Variants in HARS2 observed in about 807,000 individuals in gnomAD.
The protein encoded by HARS2 is histidyl-tRNA synthetase 2, mitochondrial.
HARS2 carries 40 observed loss-of-function variants against 62.4 expected under a neutral mutation model. The ratio of observed to expected loss-of-function variants is 0.64; its 90% CI spans 0.50 to 0.83. The LOEUF (loss-of-function observed/expected upper bound fraction) is 0.83. Among genes scored for constraint, HARS2 ranks in the 40% least tolerant of loss-of-function variants. HARS2 has a pLI of 0.00. For missense variants in HARS2, 569 were observed against 626.4 expected (o/e 0.91, Z 0.98); for synonymous variants, 228 against 227.0 (o/e 1.00, Z -0.04).
chr5:140,696,077 T>G (rs907706918), intron 6 of HARS2, 26 bp from the exon 7 acceptor site: 1 of 1,541,482 alleles, frequency 6.5e-7, no homozygotes, highest in Non-Finnish European at 9.0e-7. Flanking sequence ...TGACAAGCAC[T>G]TGGGTCACTG....
intron 8 of HARS2, 51 bp downstream of exon 8, chr5:140,696,665 T>C (rs757535875): frequency 4.0e-6 from 5 of 1,237,848 alleles, no homozygotes; most frequent in Non-Finnish European, 3.6e-6. Flanking sequence ...GAAGGTGACA[T>C]GTGCTCAAAT....
chr5:140,693,877 G>A, intron 2 of HARS2, 58 bp from the exon 3 acceptor site: 1 of 1,603,860 alleles, frequency 6.2e-7, no homozygotes. Flanking sequence ...TTAACTCCTT[G>A]TCTGAAATGG....
intron 1 of HARS2, 94 bp downstream of exon 1, chr5:140,691,850 C>A: frequency 1.1e-6 from 1 of 881,248 alleles, no homozygotes; most frequent in South Asian, 1.4e-5. Flanking sequence ...GTGTTACAAT[C>A]GGTTTTTATC....
chr5:140,696,377 C>A, intron 7 of HARS2, 144 bp from the exon 8 acceptor site: 1 of 812,346 alleles, frequency 1.2e-6, no homozygotes, highest in Non-Finnish European at 2.1e-6. Context: ...GGGATTGTGA[C>A]TGGATTTCTT....
chr5:140,695,258 G>C (rs775081871), intron 4 of HARS2, among the ~76,000 whole-genome samples: 1 of 152,092 alleles, frequency 6.6e-6, no homozygotes, highest in Non-Finnish European at 1.5e-5. Flanking sequence ...TTAGTTCTTG[G>C]GTCACTTCTA....
In HARS2 at chr5:140,697,586, G is replaced by A. The variant is rs918483134; in HGVS notation, c.1215G>A (p.Val405=). 2 of 1,613,286 alleles carry A rather than the reference G, an allele frequency of 1.2e-6. No homozygotes were observed. Among genetic ancestry groups the A allele is most frequent in the African/African-American group, 1.3e-5 (1 of 74,900 alleles). ...CTTATTAGACCAAAGGTGAGAAGGT[G>A]CGGACTACAGAGACTCAAGTGTTTG... The part of the protein sequence containing the change: ...EQRMKTKGEK[V]RTTETQVFVA... The change falls in exon 11 of 13, where the codon GTG becomes GTA. Residue 405 remains valine (V), a synonymous_variant. Coordinates refer to ENST00000230771, the MANE Select transcript of HARS2 (RefSeq NM_012208.4).
At chr5:140,697,504 T>C in intron 10 of HARS2, 65 bp from the exon 11 acceptor site, 2 of 1,604,722 alleles carry the variant, frequency 1.2e-6, no homozygotes, top group Admixed American at 3.3e-5. Context: ...TCTTTTTGTC[T>C]TGATTTTTGG....
intron 4 of HARS2, among the ~76,000 whole-genome samples, chr5:140,694,781 C>T (rs1277112156): frequency 1.3e-5 from 2 of 152,068 alleles, no homozygotes; most frequent in African/African-American, 4.8e-5. Context: ...CCACAGATCT[C>T]TTTTGACGTA....
chr5:140,696,387 T>A, intron 7 of HARS2, 134 bp from the exon 8 acceptor site: 6 of 825,326 alleles, frequency 7.3e-6, no homozygotes, highest in South Asian at 7.0e-5. Context: ...CTGGATTTCT[T>A]AAGCTGTCTC....
intron 4 of HARS2, 98 bp from the exon 5 acceptor site, chr5:140,695,410 C>T: frequency 2.5e-6 from 3 of 1,202,322 alleles, no homozygotes; most frequent in Non-Finnish European, 3.6e-6. Flanking sequence ...TTGTTCTTAC[C>T]CTAGTGGATG....
Position 140,698,044 on chromosome 5 carries a change from T to A in HARS2, c.1427T>A (p.Val476Asp). Residue 476 changes from valine (V) to aspartate (D), a missense_variant, in exon 12 of 13, where the codon GTC becomes GAC. Transcript: ENST00000230771. Reference protein sequence around the residue: ...IIGEQELKEGVIKIRSVASRE... With the variant: ...IIGEQELKEGDIKIRSVASRE... ...GGTGAGCAAGAACTGAAAGAAGGGG[T>A]CATCAAGATCCGTTCAGTGGCCAGC... 1 of 1,614,114 alleles carries A rather than the reference T, an allele frequency of 6.2e-7. No homozygotes were observed. Among genetic ancestry groups the A allele is most frequent in the Non-Finnish European group, 8.5e-7 (1 of 1,180,006 alleles).
intron 1 of HARS2, 99 bp from the exon 2 acceptor site, chr5:140,693,492 G>C (rs772108068): frequency 1.2e-6 from 2 of 1,604,442 alleles, no homozygotes; most frequent in African/African-American, 2.7e-5. Context: ...GTTGCTCAGG[G>C]TGAAGAGTCT....
At chr5:140,695,171 T>G (rs146174100) in intron 4 of HARS2, among the ~76,000 whole-genome samples, 249 of 152,288 alleles carry the variant, frequency 1.6e-3, no homozygotes, top group African/African-American at 5.5e-3. Context: ...TAGAAGTTGT[T>G]AGGCAAATCC....
chr5:140,695,258 G>A (rs775081871), intron 4 of HARS2, among the ~76,000 whole-genome samples: 1 of 152,092 alleles, frequency 6.6e-6, no homozygotes, highest in African/African-American at 2.4e-5. Flanking sequence ...TTAGTTCTTG[G>A]GTCACTTCTA....
In HARS2 at chr5:140,691,648, G is replaced by A. The variant is rs1366769588; in HGVS notation, c.-1G>A. 1 of 1,546,518 alleles carries A rather than the reference G, an allele frequency of 6.5e-7. No individual in the cohort carries two copies. The highest frequency in any genetic ancestry group is 2.4e-5 in the East Asian group (1 of 40,882). ...CCGGAAAGCCGGCGTCCTGCCGCGCGATGCCCCTGCTCGGACTTCTTCCCA... is the reference window on the plus strand; with the variant it reads ...CCGGAAAGCCGGCGTCCTGCCGCGCAATGCCCCTGCTCGGACTTCTTCCCA... On this transcript the variant is annotated 5_prime_UTR_variant, in exon 1 of 13. Coordinates refer to ENST00000230771, the MANE Select transcript of HARS2 (RefSeq NM_012208.4).
At position 140,695,614 on chromosome 5, in the gene HARS2, A is replaced by G. The variant is rs754308731; in HGVS notation, c.506A>G (p.Tyr169Cys). ...AGCCCAACCATAGTCCAAGGCCGTT[A>G]TAGGGAGTTCTGCCAGTGTGTAAGT... is the stretch of plus-strand genomic sequence containing the variant. ...RESPTIVQGR[Y>C]REFCQCDFDI... Residue 169 changes from tyrosine to cysteine, a missense_variant, in exon 5 of 13, where the codon TAT becomes TGT. Tyr to Cys is a radical substitution (Grantham distance 194, BLOSUM62 -2). Coordinates refer to ENST00000230771, the MANE Select transcript of HARS2 (RefSeq NM_012208.4). 1.1e-5 allele frequency: 17 copies of G among 1,614,122 alleles called. No homozygotes were observed. Among genetic ancestry groups the G allele is most frequent in the Non-Finnish European group, 1.7e-6 (2 of 1,180,046 alleles).
chr5:140,695,876 G>A (rs758477129), intron 6 of HARS2, 31 bp downstream of exon 6: 1 of 1,511,102 alleles, frequency 6.6e-7, no homozygotes, highest in East Asian at 2.3e-5. Flanking sequence ...TGTGGGAGAA[G>A]TCTGGATTTG....
chr5:140,695,452 A>G, intron 4 of HARS2, 56 bp from the exon 5 acceptor site: 5 of 1,604,440 alleles, frequency 3.1e-6, no homozygotes, highest in Non-Finnish European at 3.4e-6. Flanking sequence ...TAATGTCTGT[A>G]TACTGGGCCT....
At chr5:140,694,473 CTT>C (rs1759671133) in intron 4 of HARS2, among the ~76,000 whole-genome samples, 193 bp downstream of exon 4, 1 of 152,230 alleles carries the variant, frequency 6.6e-6, no homozygotes, top group Non-Finnish European at 1.5e-5. Flanking sequence ...TATCATAATC[CTT>C]TGGGGGAGCT....
Sources: allele counts gnomAD v4.1 joint callset (sites outside exome capture counted in the v4.1 genomes callset), GRCh38; gene constraint gnomAD v4.1.1; transcripts MANE v1.5; gene names NCBI Gene and HGNC (gene_info 2026-07-23, HGNC 2026-07-21).